Variants in SPOPL observed in about 807,000 individuals in gnomAD.
The protein encoded by SPOPL is speckle-type POZ protein-like.
In SPOPL, 23 loss-of-function variants were observed where a neutral mutation model predicts 53.8. The observed-to-expected ratio is 0.43, with a 90% CI of 0.31 to 0.61. SPOPL has a LOEUF of 0.61. Ranked by LOEUF, SPOPL falls within the 20% of genes least tolerant of loss-of-function variation. The pLI is 0.12. For synonymous variants in SPOPL, 164 were observed against 149.7 expected, an observed-to-expected ratio of 1.10 and a Z score of -0.70; for missense variants, 442 against 466.9, an observed-to-expected ratio of 0.95 and a Z score of 0.49.
At chr2:138,535,218 A>G (rs568363568) in intron 1 of SPOPL, among the ~76,000 whole-genome samples, 108 of 152,342 alleles carry the variant, frequency 7.1e-4, no homozygotes, top group Non-Finnish European at 9.8e-4. Flanking sequence ...TTAAAAATTC[A>G]TTTATTGCTT....
At chr2:138,527,188 C>T (rs768742324) in intron 1 of SPOPL, among the ~76,000 whole-genome samples, 2 of 151,944 alleles carry the variant, frequency 1.3e-5, no homozygotes, top group African/African-American at 4.8e-5. Flanking sequence ...CCAGATGTGT[C>T]TAGGTATAGA....
chr2:138,557,297 A>G (rs1685448040), intron 5 of SPOPL, among the ~76,000 whole-genome samples: 1 of 152,212 alleles, frequency 6.6e-6, no homozygotes, highest in Non-Finnish European at 1.5e-5. Flanking sequence ...AATAGATTAG[A>G]TGATTTCTGT....
At chr2:138,554,572 G>GT in intron 5 of SPOPL, 1 of 1,231,510 alleles carries the variant, frequency 8.1e-7, no homozygotes, top group Non-Finnish European at 1.1e-6. Flanking sequence ...TGCACAAAGC[G>GT]TAACTTAATC....
rs1414798749 is a variant in SPOPL, at chr2:138,570,289, C to T, written c.*1209C>T. ...GTCACACTAGGAACCTCCCCTCACTCCCCGTTTTTCTTCATTGTGTTTCAG... is the reference window on the plus strand; with the variant it reads ...GTCACACTAGGAACCTCCCCTCACTTCCCGTTTTTCTTCATTGTGTTTCAG... On this transcript the variant is annotated 3_prime_UTR_variant, in exon 11 of 11. Coordinates refer to ENST00000280098, the MANE Select transcript of SPOPL (RefSeq NM_001001664.3). The T allele has an allele frequency of 1.3e-5, 2 of 152,306 alleles. No individual in the cohort carries two copies. The highest frequency in any genetic ancestry group is 2.9e-5 in the Non-Finnish European group (2 of 68,032). The allele number at this position is 152,306 out of a possible 1,614,324, so 9.4% of individuals were successfully genotyped here. A position where few individuals can be genotyped will look rare whatever the true frequency, so the allele number is the denominator to read the frequency against.
chr2:138,514,306 C>G (rs143219201), intron 1 of SPOPL, among the ~76,000 whole-genome samples: 1 of 152,140 alleles, frequency 6.6e-6, no homozygotes, highest in African/African-American at 2.4e-5. Context: ...CAGGACAACT[C>G]GAAGCTGGGA....
chr2:138,532,565 T>A (rs1426326691), intron 1 of SPOPL, among the ~76,000 whole-genome samples: 1 of 150,056 alleles, frequency 6.7e-6, no homozygotes, highest in African/African-American at 2.4e-5. Context: ...TAGCTGGGAC[T>A]ACAGGCGCCT....
At chr2:138,519,673 AG>A (rs1684516407) in intron 1 of SPOPL, among the ~76,000 whole-genome samples, 1 of 152,180 alleles carries the variant, frequency 6.6e-6, no homozygotes, top group South Asian at 2.1e-4. Flanking sequence ...ATGCACCTGT[AG>A]TGCCAGCTAC....
At chr2:138,562,486 GT>G (rs1304167823) in intron 8 of SPOPL, among the ~76,000 whole-genome samples, 2 of 152,076 alleles carry the variant, frequency 1.3e-5, no homozygotes, top group Non-Finnish European at 2.9e-5. Context: ...CTCAAACCAT[GT>G]ATACAAAGTA....
intron 5 of SPOPL, among the ~76,000 whole-genome samples, chr2:138,557,313 A>G (rs1558879016): frequency 6.6e-6 from 1 of 152,216 alleles, no homozygotes; most frequent in South Asian, 2.1e-4. Flanking sequence ...TCTGTGACAC[A>G]TATGATTTCA....
chr2:138,569,128 G>A lies in SPOPL; in HGVS notation c.*48G>A. 1 of 1,589,284 alleles carries A rather than the reference G, an allele frequency of 6.3e-7. No individual in the cohort carries two copies. Among genetic ancestry groups the A allele is most frequent in the Non-Finnish European group, 8.6e-7 (1 of 1,164,588 alleles). On this transcript the variant is annotated 3_prime_UTR_variant, in exon 11 of 11. Transcript: ENST00000280098. ...AATGGAATTGACTTTCACTCCTCCA[G>A]GTCCAGAAGGATTCTAATACACAAA...
chr2:138,508,043 A>G (rs1684252005), intron 1 of SPOPL, among the ~76,000 whole-genome samples: 1 of 152,208 alleles, frequency 6.6e-6, no homozygotes, highest in Admixed American at 6.5e-5. Flanking sequence ...AAGATGTAGT[A>G]CTAAACCTTG....
Position 138,510,438 on chromosome 2 carries a change from T to C in SPOPL, c.-61+8319T>C, listed in dbSNP as rs1220516625. Among the ~76,000 whole-genome samples, 4 of 152,224 alleles carry C rather than the reference T, an allele frequency of 2.6e-5. 1 individual carries two copies. The highest frequency in any genetic ancestry group is 5.9e-5 in the Non-Finnish European group (4 of 68,036). On this transcript the variant is annotated intron_variant, in intron 1 of 10. Coordinates refer to ENST00000280098, the MANE Select transcript of SPOPL (RefSeq NM_001001664.3). ...ATAGATGTCCATTATGTCTAGTTGA[T>C]TGATAGTGTTGTTGAGTTCAAACTT...
chr2:138,564,558 C>T (rs1010252725), intron 8 of SPOPL, 150 bp from the exon 9 acceptor site: 8 of 827,714 alleles, frequency 9.7e-6, no homozygotes, highest in East Asian at 2.9e-5. Flanking sequence ...ATATTTACTT[C>T]GTATTAGGTT....
At chr2:138,529,530 GTGTGTT>G (rs1192375840) in intron 1 of SPOPL, among the ~76,000 whole-genome samples, 16 of 140,806 alleles carry the variant, frequency 1.1e-4, no homozygotes, top group South Asian at 2.2e-4. Context: ...GTGTGTGTGT[GTGTGTT>G]TGCGTGCGCG....
rs1048154889 is a variant in SPOPL, at chr2:138,551,117, C to T, written c.352+63C>T. The T allele has an allele frequency of 1.0e-5, 16 of 1,561,474 alleles. 1 individual carries two copies. The African/African-American group carries it at 1.4e-4, about 13-fold the overall frequency. ...TAACTACATATTATGACTTCTTCTG[C>T]ACCTTTACCTAGAAAAGTCTGGGAC... On this transcript the variant is annotated intron_variant, in intron 4 of 10. Transcript: ENST00000280098.
In SPOPL at chr2:138,573,079, A is replaced by C. The variant is rs372203113; in HGVS notation, c.*3999A>C. On this transcript the variant is annotated 3_prime_UTR_variant, in exon 11 of 11. Coordinates refer to ENST00000280098, the MANE Select transcript of SPOPL (RefSeq NM_001001664.3). ...TTGGGGAAATTGATTTTCAAGATTC[A>C]AGTGTATAAAAACTTATATTGAACT... 1.8e-4 allele frequency: 27 copies of C among 152,266 alleles called. 5 individuals are homozygous for C. The highest frequency in any genetic ancestry group is 4.6e-4 in the Admixed American group (7 of 15,294). 9.4% of individuals were successfully genotyped at this position (152,266 alleles called of 1,614,324 possible). A position where few individuals can be genotyped will look rare whatever the true frequency, so the allele number is the denominator to read the frequency against.
chr2:138,545,450 T>C (rs1685172384), intron 1 of SPOPL, among the ~76,000 whole-genome samples: 1 of 152,064 alleles, frequency 6.6e-6, no homozygotes, highest in Non-Finnish European at 1.5e-5. Flanking sequence ...GTTTTTTTTT[T>C]TGAGACAGAG....
Position 138,552,536 on chromosome 2 carries a change from T to C in SPOPL, c.353-18T>C, listed in dbSNP as rs1490519478. The C allele has an allele frequency of 6.3e-7, 1 of 1,595,324 alleles. No homozygotes were observed. The highest frequency in any genetic ancestry group is 1.4e-5 in the African/African-American group (1 of 73,442). On this transcript the variant is annotated intron_variant, in intron 4 of 10. Coordinates refer to ENST00000280098, the MANE Select transcript of SPOPL (RefSeq NM_001001664.3). ...TTGGATATTTATTTTATTTAAACTC[T>C]ATTCTGTTTTCCACCAGAAAGCCAA... is the stretch of plus-strand genomic sequence containing the variant.
intron 1 of SPOPL, among the ~76,000 whole-genome samples, chr2:138,510,474 A>G (rs951305442): frequency 1.3e-5 from 2 of 152,034 alleles, no homozygotes; most frequent in Non-Finnish European, 2.9e-5. Context: ...GTCCTTACTG[A>G]TTTTCTACCT....
Sources: gnomAD v4.1 joint callset for allele counts (sites outside exome capture counted in the v4.1 genomes callset) on GRCh38, gnomAD v4.1.1 for gene constraint, MANE v1.5 for transcripts, NCBI Gene and HGNC (gene_info 2026-07-23, HGNC 2026-07-21) for gene names.